The following SPTA1 variants were observed in gnomAD, a reference collection of about 807,000 sequenced individuals.
SPTA1 encodes spectrin alpha chain, erythrocytic 1.
Under a neutral mutation model 324.7 loss-of-function variants are expected in SPTA1, and 177 were observed. The observed-to-expected ratio is 0.55, with a 90% CI of 0.48 to 0.62. The LOEUF (loss-of-function observed/expected upper bound fraction) is 0.62, where lower values mean the gene tolerates loss of function less well. Ranked by LOEUF, SPTA1 falls within the 20% of genes least tolerant of loss-of-function variation. The pLI is 0.00. For synonymous variants in SPTA1, 1,195 were observed against 1,041.3 expected (o/e 1.15, Z -2.84); for missense variants, 3,162 against 2,883.6 (o/e 1.10, Z -2.21).
rs1655207938 is a variant in SPTA1, at chr1:158,686,689, A to G, written c.-172T>C. The G allele has an allele frequency of 1.7e-6, 1 of 586,848 alleles. No individual in the cohort carries two copies. Among genetic ancestry groups the G allele is most frequent in the Admixed American group, 2.9e-5 (1 of 34,148 alleles). 36.4% of individuals were successfully genotyped at this position (586,848 alleles called of 1,614,324 possible). On this transcript the variant is annotated 5_prime_UTR_variant, in exon 1 of 52. Coordinates refer to ENST00000643759, the MANE Select transcript of SPTA1 (RefSeq NM_003126.4). ...GGTCCTAGAATCCCATCAGCCATACACAATCGACATTATCTTTAGAAGACA... is the reference window on the plus strand; with the variant it reads ...GGTCCTAGAATCCCATCAGCCATACGCAATCGACATTATCTTTAGAAGACA...
rs34973695 is a variant in SPTA1, at chr1:158,642,966, G to A, written c.4453C>T (p.Leu1485Phe). The change falls in exon 32 of 52, where the codon CTC (leucine) becomes TTC (phenylalanine). Residue 1485 changes from leucine (L) to phenylalanine (F), a missense_variant. Leu to Phe is a conservative substitution (Grantham distance 22). Coordinates refer to ENST00000643759, the MANE Select transcript of SPTA1 (RefSeq NM_003126.4). ...CGCTCATCAATCAGTTGTGCTTTGA[G>A]AGCCTTCCACCTAGAGGACGGAGCC... ...LQRVLDRWKA[L>F]KAQLIDERTK... is the part of the protein sequence containing the mutation. The A allele has an allele frequency of 0.023, 37,640 of 1,613,524 alleles. 524 individuals carry two copies. The highest frequency in any genetic ancestry group is 0.028 in the South Asian group (2,546 of 91,050).
At chr1:158,652,780 A>G in intron 22 of SPTA1, 127 bp from the exon 23 acceptor site, 1 of 1,064,262 alleles carries the variant, frequency 9.4e-7, no homozygotes. Flanking sequence ...GCAAAAGAAT[A>G]GTAGAAGAGA....
At chr1:158,616,558 T>C (rs1225606997) in intron 47 of SPTA1, among the ~76,000 whole-genome samples, 1 of 152,200 alleles carries the variant, frequency 6.6e-6, no homozygotes, top group East Asian at 1.9e-4. Context: ...TTCAGTTCCA[T>C]CCATGTTACT....
chr1:158,652,115 G>GC (rs1652488251), intron 23 of SPTA1, among the ~76,000 whole-genome samples: 1 of 152,062 alleles, frequency 6.6e-6, no homozygotes, highest in Non-Finnish European at 1.5e-5. Flanking sequence ...CCCAAACTCT[G>GC]CCCCATAATT....
chr1:158,646,786 A>G lies in SPTA1; in HGVS notation c.3896+753T>C, dbSNP rs1652026203. Among the ~76,000 whole-genome samples the G allele has an allele frequency of 2.0e-5, 3 of 152,134 alleles. No individual in the cohort carries two copies. In the South Asian group the frequency reaches 6.2e-4, roughly 32 times the overall value. On this transcript the variant is annotated intron_variant, in intron 27 of 51. Transcript: ENST00000643759. ...CAAAATTTGCCTCCTTTTTTCTTGA[A>G]AAGCATTGCATTGAGAGCTACAACT... is the stretch of plus-strand genomic sequence containing the variant.
At chr1:158,614,908 T>C in intron 48 of SPTA1, 1 of 314,550 alleles carries the variant, frequency 3.2e-6, no homozygotes, top group Non-Finnish European at 5.9e-6. Flanking sequence ...TAAAATTCTA[T>C]GAAAGGGAAT....
chr1:158,637,164 A>C (rs1651145752), intron 36 of SPTA1, among the ~76,000 whole-genome samples: 2 of 152,202 alleles, frequency 1.3e-5, no homozygotes, highest in African/African-American at 4.8e-5. Context: ...TTCAGCTAGA[A>C]TGGGTATAAA....
chr1:158,637,003 C>T lies in SPTA1; in HGVS notation c.5190-242G>A, dbSNP rs151102401. ...TCCACCATAGTCACAACTGTAACAG[C>T]CTTTCCATTAGTCCCTTTGCTTCTC... On this transcript the variant is annotated intron_variant, in intron 36 of 51. Transcript: ENST00000643759. Among the ~76,000 whole-genome samples the T allele has an allele frequency of 1.6e-4, 24 of 152,304 alleles. 1 individual carries two copies. The East Asian group carries it at 4.6e-3, about 29-fold the overall frequency.
intron 47 of SPTA1, among the ~76,000 whole-genome samples, chr1:158,616,037 G>A (rs905693818): frequency 1.3e-5 from 2 of 152,146 alleles, no homozygotes; most frequent in African/African-American, 4.8e-5. Flanking sequence ...TGATTGTGGA[G>A]TGCAGTGAAA....
At chr1:158,622,637 CT>C (rs956249141) in intron 43 of SPTA1, 1 of 290,650 alleles carries the variant, frequency 3.4e-6, no homozygotes, top group Non-Finnish European at 6.6e-6. Flanking sequence ...TCCAGTGCTC[CT>C]TTTATTTGGG....
chr1:158,648,924 C>A (rs1274053050), intron 25 of SPTA1, among the ~76,000 whole-genome samples: 1 of 152,106 alleles, frequency 6.6e-6, no homozygotes, highest in Non-Finnish European at 1.5e-5. Flanking sequence ...CAAGATTATA[C>A]CACTGCTGAA....
chr1:158,638,685 G>A (rs113067159), intron 35 of SPTA1, among the ~76,000 whole-genome samples: 39,254 of 146,540 alleles, frequency 0.27, 5,399 homozygotes, highest in Middle Eastern at 0.34. Context: ...GCATGCTGGC[G>A]TGTGCCTGTA....
intron 26 of SPTA1, 67 bp from the exon 27 acceptor site, chr1:158,647,787 C>T: frequency 6.4e-7 from 1 of 1,559,454 alleles, no homozygotes; most frequent in Non-Finnish European, 8.8e-7. Context: ...AAAGGAGAAT[C>T]CTGAGTCCCA....
chr1:158,636,081 C>A (rs764731928), intron 37 of SPTA1, 47 bp from the exon 38 acceptor site: 1 of 1,613,946 alleles, frequency 6.2e-7, no homozygotes, highest in Non-Finnish European at 8.5e-7. Flanking sequence ...CAATCTCTCC[C>A]CATTTAGCCA....
rs781599696 is a variant in SPTA1 at position 158,672,177 on chromosome 1, T to C, written c.1370A>G (p.Asn457Ser). The C allele has an allele frequency of 2.2e-5, 36 of 1,613,896 alleles. No homozygotes were observed. The highest frequency in any genetic ancestry group is 2.7e-5 in the Non-Finnish European group (32 of 1,179,944). ...VREKMEILDN[N>S]WTALLELWDE... ...CCACAGTTCCAGCAGGGCAGTCCAG[T>C]TGTTGTCAAGTATTTCCATCTTTGG... Residue 457 changes from asparagine (N) to serine (S), a missense_variant, in exon 11 of 52, where the codon AAC becomes AGC. By Grantham distance (46) the Asn-to-Ser change is conservative. Coordinates refer to ENST00000643759, the MANE Select transcript of SPTA1 (RefSeq NM_003126.4).
At chr1:158,626,775 A>G in intron 41 of SPTA1, 64 bp downstream of exon 41, 3 of 1,603,914 alleles carry the variant, frequency 1.9e-6, no homozygotes, top group Non-Finnish European at 2.6e-6. Flanking sequence ...AGACCATTCT[A>G]CACATGGATG....
rs2852635 is a variant in SPTA1 at position 158,616,487 on chromosome 1, G to T, written c.6600+1050C>A. 4.7e-4 allele frequency among the ~76,000 whole-genome samples: 71 copies of T among 151,942 alleles called. 1 individual carries two copies. In the South Asian group the frequency reaches 0.014, roughly 30 times the overall value. On this transcript the variant is annotated intron_variant, in intron 47 of 51. Coordinates refer to ENST00000643759, the MANE Select transcript of SPTA1 (RefSeq NM_003126.4). The stretch of plus-strand genomic sequence containing the variant: ...TCCATTTTATTTTGCTCCCACCTAC[G>T]AGTGAGAACATGCAATATTTGTCTT...
At chr1:158,658,987 G>C (rs1653018769) in intron 18 of SPTA1, among the ~76,000 whole-genome samples, 1 of 151,946 alleles carries the variant, frequency 6.6e-6, no homozygotes, top group South Asian at 2.1e-4. Context: ...GCAATATAAG[G>C]AATGTTAGAT....
chr1:158,620,073 A>C (rs910204969), intron 44 of SPTA1, 97 bp downstream of exon 44: 20 of 1,439,048 alleles, frequency 1.4e-5, no homozygotes, highest in East Asian at 9.1e-5. Flanking sequence ...TATAGTTATT[A>C]ATAGTGTTCC....
Sources: allele counts gnomAD v4.1 joint callset (sites outside exome capture counted in the v4.1 genomes callset), GRCh38; gene constraint gnomAD v4.1.1; transcripts MANE v1.5; gene names NCBI Gene and HGNC (gene_info 2026-07-23, HGNC 2026-07-21).